Variants in LAMA5 observed in about 807,000 individuals in gnomAD.
LAMA5 encodes laminin subunit alpha 5, also known as laminin subunit alpha-5.
A neutral mutation model predicts 433.4 loss-of-function variants in LAMA5; 260 were observed. The observed-to-expected ratio is 0.60, with a 90% CI of 0.54 to 0.66. The LOEUF is 0.66. LAMA5 is among the 30% of genes least tolerant of loss of function. LAMA5 has a pLI of 0.00. For missense variants in LAMA5, 5,378 were observed against 5,258.5 expected (o/e 1.02, Z -0.70); for synonymous variants, 2,620 against 2,226.6 (o/e 1.18, Z -4.97).
chr20:62,338,301 G>C lies in LAMA5; in HGVS notation c.1687C>G (p.Arg563Gly). 1 of 1,604,614 alleles carries C rather than the reference G, an allele frequency of 6.2e-7. No homozygotes were observed. Among genetic ancestry groups the C allele is most frequent in the Non-Finnish European group, 8.5e-7 (1 of 1,176,014 alleles). ...CDPDTGQCRC[R>G]VGFEGATCDR... ...CATGTGGCCCCCTCGAAGCCCACTC[G>C]GCACCTGCACTGGCCTGTGTCAGGG... Residue 563 changes from arginine to glycine, a missense_variant, in exon 13 of 80, where the codon CGA (arginine) becomes GGA (glycine). By Grantham distance (125) the Arg-to-Gly change is moderately radical. Transcript: ENST00000252999.
Position 62,328,426 on chromosome 20 carries a change from G to T in LAMA5, c.4467C>A (p.Arg1489=), listed in dbSNP as rs369784534. The part of the protein sequence containing the change: ...PNCRPCDCGA[R]LCDELTGQCI... ...ACTGGCCCGTGAGCTCGTCACAGAG[G>T]CGGGCACCGCAGTCACAGGCTGTGG... The change falls in exon 35 of 80, where the codon CGC becomes CGA. Residue 1489 remains arginine (R), a synonymous_variant. Transcript: ENST00000252999. 2 of 1,509,664 alleles carry T rather than the reference G, an allele frequency of 1.3e-6. No individual in the cohort carries two copies. Among genetic ancestry groups the T allele is most frequent in the Non-Finnish European group, 1.8e-6 (2 of 1,122,494 alleles). The allele number at this position is 1,509,664 out of a possible 1,614,324, so 93.5% of individuals were successfully genotyped here. A position where few individuals can be genotyped will look rare whatever the true frequency, so the allele number is the denominator to read the frequency against.
intron 1 of LAMA5, among the ~76,000 whole-genome samples, chr20:62,364,912 C>T (rs1278851005): frequency 6.6e-6 from 1 of 152,278 alleles, no homozygotes; most frequent in African/African-American, 2.4e-5. Context: ...GCTGCGGCTT[C>T]ATCGCCTGGG....
At chr20:62,352,422 GC>G in intron 3 of LAMA5, 62 bp from the exon 4 acceptor site, 1 of 1,330,794 alleles carries the variant, frequency 7.5e-7, no homozygotes, top group Non-Finnish European at 1.1e-6. Flanking sequence ...TCCCCGCGGT[GC>G]CCGGGCCCCT....
intron 2 of LAMA5, among the ~76,000 whole-genome samples, chr20:62,357,338 C>T (rs536942752): frequency 3.3e-5 from 5 of 152,198 alleles, no homozygotes; most frequent in Admixed American, 2.6e-4. Context: ...TAGCCCCAGG[C>T]GTCCGGGCCA....
rs756851102 is a variant in LAMA5 at position 62,326,662 on chromosome 20, GC to G, written c.5298+14del. ...GTCCATGAGGGACCTGGGTGCCCAA[GC>G]CAGCTCCCCTCACCTCCACCAGCTG... On this transcript the variant is annotated intron_variant, in intron 40 of 79. Coordinates refer to ENST00000252999, the MANE Select transcript of LAMA5 (RefSeq NM_005560.6). The G allele has an allele frequency of 1.0e-5, 16 of 1,607,258 alleles. No individual in the cohort carries two copies. The South Asian group carries it at 1.8e-4, about 18-fold the overall frequency.
At position 62,324,900 on chromosome 20, in the gene LAMA5, A is replaced by G. The variant is rs1329937496; in HGVS notation, c.5530-346T>C. On this transcript the variant is annotated intron_variant, in intron 41 of 79. Transcript: ENST00000252999. The surrounding 1 kb of genome is among the most constrained non-coding windows in gnomAD (Gnocchi z 4.4). ...TATTCAACCACAAACCTCCTCATAC[A>G]GAAGGAGCAAAGTTACAGCAGACAG... 2 of 383,442 alleles carry G rather than the reference A, an allele frequency of 5.2e-6. No individual in the cohort carries two copies. Among genetic ancestry groups the G allele is most frequent in the Non-Finnish European group, 9.7e-6 (2 of 206,506 alleles). 23.8% of individuals were successfully genotyped at this position (383,442 alleles called of 1,614,324 possible). A position where few individuals can be genotyped will look rare whatever the true frequency, so the allele number is the denominator to read the frequency against.
chr20:62,338,329 A>C lies in LAMA5; in HGVS notation c.1659T>G (p.Cys553Trp), dbSNP rs1375878444. The change falls in exon 13 of 80, where the codon TGT becomes TGG. Residue 553 changes from cysteine to tryptophan, a missense_variant. Physicochemically the swap from Cys to Trp is radical, Grantham distance 215. Coordinates refer to ENST00000252999, the MANE Select transcript of LAMA5 (RefSeq NM_005560.6). ...CSSPGVADDR[C>W]DPDTGQCRCR... ...ACCTGCACTGGCCTGTGTCAGGGTCACAGCGGTCATCGGCCACTCCAGGGC... is the reference window on the plus strand; with the variant it reads ...ACCTGCACTGGCCTGTGTCAGGGTCCCAGCGGTCATCGGCCACTCCAGGGC... 1 of 1,608,732 alleles carries C rather than the reference A, an allele frequency of 6.2e-7. No homozygotes were observed. The highest frequency in any genetic ancestry group is 1.1e-5 in the South Asian group (1 of 90,364).
At chr20:62,340,115 G>A (rs1428238177) in intron 11 of LAMA5, among the ~76,000 whole-genome samples, 1 of 152,052 alleles carries the variant, frequency 6.6e-6, no homozygotes, top group Non-Finnish European at 1.5e-5. Flanking sequence ...CGAATCTCTA[G>A]GAGCAGGTAA....
intron 11 of LAMA5, among the ~76,000 whole-genome samples, chr20:62,344,970 G>A (rs549664442): frequency 6.6e-6 from 1 of 152,168 alleles, no homozygotes; most frequent in East Asian, 1.9e-4. Flanking sequence ...TGTGTACAGA[G>A]AGCATTCAAG....
chr20:62,326,972 G>A lies in LAMA5; in HGVS notation c.5113-6C>T, dbSNP rs915523279. 2 of 1,592,772 alleles carry A rather than the reference G, an allele frequency of 1.3e-6. No homozygotes were observed. The highest frequency in any genetic ancestry group is 1.3e-5 in the African/African-American group (1 of 74,694). ...GTCCCACCGTAGGATGACACCTGGA[G>A]GCAGGACAGACAGAGGTGACCTGGC... is the stretch of plus-strand genomic sequence containing the variant. On this transcript the variant is annotated splice_region_variant and splice_polypyrimidine_tract_variant and intron_variant, in intron 38 of 79. Coordinates refer to ENST00000252999, the MANE Select transcript of LAMA5 (RefSeq NM_005560.6).
At chr20:62,315,848 C>T in intron 58 of LAMA5, 100 bp downstream of exon 58, 1 of 920,006 alleles carries the variant, frequency 1.1e-6, no homozygotes, top group Non-Finnish European at 1.7e-6. Flanking sequence ...GGGTCTCTTC[C>T]ACAGCACAGT....
chr20:62,333,076 C>T lies in LAMA5; in HGVS notation c.3282+14G>A, dbSNP rs1980792356. On this transcript the variant is annotated intron_variant, in intron 26 of 79. Coordinates refer to ENST00000252999, the MANE Select transcript of LAMA5 (RefSeq NM_005560.6). The stretch of plus-strand genomic sequence containing the variant: ...TGCAACACCCATTGCTCCGTGGGGT[C>T]CCAGGACACGCACATCACTGCCCGT... The T allele has an allele frequency of 6.7e-7, 1 of 1,491,132 alleles. No individual in the cohort carries two copies. The highest frequency in any genetic ancestry group is 8.9e-7 in the Non-Finnish European group (1 of 1,122,852). The allele number at this position is 1,491,132 out of a possible 1,614,324, so 92.4% of individuals were successfully genotyped here.
intron 35 of LAMA5, 101 bp from the exon 36 acceptor site, chr20:62,328,111 T>C: frequency 3.9e-6 from 6 of 1,536,508 alleles, no homozygotes; most frequent in Non-Finnish European, 5.3e-6. Context: ...CTCCCAGAAG[T>C]GGAGGAGAGG....
In LAMA5 at chr20:62,310,208, G is replaced by C. The variant is rs776195092; in HGVS notation, c.10704C>G (p.Pro3568=). The C allele has an allele frequency of 5.6e-6, 9 of 1,612,448 alleles. No homozygotes were observed. The highest frequency in any genetic ancestry group is 5.9e-6 in the Non-Finnish European group (7 of 1,179,950). Residue 3568 remains proline, a synonymous_variant, in exon 77 of 80, where the codon CCC becomes CCG. Coordinates refer to ENST00000252999, the MANE Select transcript of LAMA5 (RefSeq NM_005560.6). ...TCTCGGTCACCTGCAACTGCAAGTA[G>C]GGGGGCGTCCGGGCCTGGCCCAAGT... The part of the protein sequence containing the change: ...IFHLGQARTP[P]YLQLQVTEKQ...
chr20:62,332,074 A>G (rs1216120348), intron 28 of LAMA5, among the ~76,000 whole-genome samples: 1 of 151,820 alleles, frequency 6.6e-6, no homozygotes, highest in African/African-American at 2.4e-5. Flanking sequence ...AAAGAAAAGA[A>G]AGTTCCAGAA....
At position 62,333,847 on chromosome 20, in the gene LAMA5, G is replaced by GTGGGGTGGGA. The variant is rs1288275319; in HGVS notation, c.2878+53_2878+54insTCCCACCCCA. The stretch of plus-strand genomic sequence containing the variant: ...TGGCGGGGCTTGGGAGTGGGGTGGG[G>GTGGGGTGGGA]TGGGGTGGGCTGGGCTGGTGGGGCA... On this transcript the variant is annotated intron_variant, in intron 23 of 79. Coordinates refer to ENST00000252999, the MANE Select transcript of LAMA5 (RefSeq NM_005560.6). The GTGGGGTGGGA allele has an allele frequency of 9.3e-3, 13,646 of 1,471,512 alleles. 69 individuals are homozygous for GTGGGGTGGGA. The highest frequency in any genetic ancestry group is 0.011 in the Non-Finnish European group (12,284 of 1,091,554). The allele number at this position is 1,471,512 out of a possible 1,614,324, so 91.2% of individuals were successfully genotyped here.
chr20:62,331,176 G>A, intron 28 of LAMA5, 47 bp from the exon 29 acceptor site: 5 of 1,269,530 alleles, frequency 3.9e-6, no homozygotes, highest in Non-Finnish European at 5.2e-6. Context: ...GTGCGGGGAG[G>A]ATAGGGGGTG....
intron 36 of LAMA5, 61 bp downstream of exon 36, chr20:62,327,805 G>A (rs1979579052): frequency 6.3e-7 from 1 of 1,575,234 alleles, no homozygotes; most frequent in Non-Finnish European, 8.6e-7. Flanking sequence ...AGGCCCGTAA[G>A]GACACTTTCA....
Position 62,346,947 on chromosome 20 carries a change from C to G in LAMA5, c.1038G>C (p.Lys346Asn). 1 of 1,612,854 alleles carries G rather than the reference C, an allele frequency of 6.2e-7. No individual in the cohort carries two copies. The highest frequency in any genetic ancestry group is 8.5e-7 in the Non-Finnish European group (1 of 1,179,934). The change falls in exon 7 of 80, where the codon AAG becomes AAC. Residue 346 changes from lysine (K) to asparagine (N), a missense_variant. Lys to Asn is a moderately conservative substitution (Grantham distance 94, BLOSUM62 0). Coordinates refer to ENST00000252999, the MANE Select transcript of LAMA5 (RefSeq NM_005560.6). ...CGTTGGCACTGTTGGCAGTCGCAGGCTTCCACGGCTGCTGATTGAAGCCGG... is the reference window on the plus strand; with the variant it reads ...CGTTGGCACTGTTGGCAGTCGCAGGGTTCCACGGCTGCTGATTGAAGCCGG... ...CCPGFNQQPWKPATANSANEC... is the reference protein window; with the variant it reads ...CCPGFNQQPWNPATANSANEC...
Sources: allele counts gnomAD v4.1 joint callset (sites outside exome capture counted in the v4.1 genomes callset), GRCh38; gene constraint gnomAD v4.1.1; non-coding constraint Gnocchi (gnomAD v3.1); transcripts MANE v1.5; gene names NCBI Gene and HGNC (gene_info 2026-07-23, HGNC 2026-07-21).